Variants in STARD6 observed in about 807,000 individuals in gnomAD.
The protein encoded by STARD6 is stAR-related lipid transfer protein 6.
STARD6 carries 21 observed loss-of-function variants against 22.3 expected under a neutral mutation model. The ratio of observed to expected loss-of-function variants is 0.94; its 90% CI spans 0.67 to 1.35. The LOEUF (loss-of-function observed/expected upper bound fraction) is 1.35, where lower values mean the gene tolerates loss of function less well. Among genes scored for constraint, STARD6 ranks in the 40% most tolerant of loss-of-function variants. The pLI is 0.00. For synonymous variants in STARD6, 80 were observed against 88.1 expected (o/e 0.91, Z 0.52); for missense variants, 269 against 266.9 (o/e 1.01, Z -0.05).
intron 4 of STARD6, among the ~76,000 whole-genome samples, chr18:54,351,843 T>C (rs117741213): frequency 0.067 from 10,140 of 150,726 alleles, 389 homozygotes; most frequent in Middle Eastern, 0.11. Context: ...TTGGATTAGG[T>C]TAGCTAGTAT....
At chr18:54,353,643 A>C (rs564988546) in intron 4 of STARD6, among the ~76,000 whole-genome samples, 79 of 152,348 alleles carry the variant, frequency 5.2e-4, no homozygotes, top group African/African-American at 1.6e-3. Flanking sequence ...CTGGTGACAG[A>C]GCAAGACCCT....
chr18:54,331,942 T>C, intron 5 of STARD6, 83 bp from the exon 6 acceptor site: 4 of 928,152 alleles, frequency 4.3e-6, no homozygotes, highest in Non-Finnish European at 6.5e-6. Context: ...TTTTATTGCA[T>C]ATGATTGGCC....
At chr18:54,338,247 C>CA (rs1568169408) in intron 4 of STARD6, among the ~76,000 whole-genome samples, 1 of 152,200 alleles carries the variant, frequency 6.6e-6, no homozygotes, top group Non-Finnish European at 1.5e-5. Context: ...CTGAAGGCTG[C>CA]ACCCTCTGAG....
intron 4 of STARD6, among the ~76,000 whole-genome samples, chr18:54,337,766 T>C (rs1255361397): frequency 1.3e-5 from 2 of 152,222 alleles, no homozygotes; most frequent in Non-Finnish European, 2.9e-5. Context: ...ATCCATTCAG[T>C]GGCTAATCTT....
At chr18:54,341,860 A>G (rs2088972156) in intron 4 of STARD6, among the ~76,000 whole-genome samples, 1 of 152,204 alleles carries the variant, frequency 6.6e-6, no homozygotes, top group South Asian at 2.1e-4. Context: ...ATTTTAGGAA[A>G]CTAGAAAATG....
chr18:54,354,216 AT>A (rs141426557), intron 3 of STARD6, 113 bp from the exon 4 acceptor site: 125,780 of 664,374 alleles, frequency 0.19, 13,311 homozygotes, highest in Middle Eastern at 0.25. Context: ...AAAGAAAAAA[AT>A]ATATATATAT....
chr18:54,351,135 T>C (rs1454711919), intron 4 of STARD6, among the ~76,000 whole-genome samples: 2 of 152,204 alleles, frequency 1.3e-5, no homozygotes, highest in East Asian at 3.8e-4. Context: ...TTTCCATTTG[T>C]TTGTGTCAGT....
At chr18:54,335,822 A>G (rs563764371) in intron 5 of STARD6, among the ~76,000 whole-genome samples, 1 of 152,112 alleles carries the variant, frequency 6.6e-6, no homozygotes, top group Non-Finnish European at 1.5e-5. Flanking sequence ...CCTCATGCCA[A>G]GGTGTTCCCC....
At position 54,351,091 on chromosome 18, in the gene STARD6, T is replaced by A. The variant is rs113325765; in HGVS notation, c.140+2963A>T. 2.6e-3 allele frequency among the ~76,000 whole-genome samples: 394 copies of A among 152,324 alleles called. 4 individuals carry two copies. Among genetic ancestry groups the A allele is most frequent in the African/African-American group, 9.0e-3 (375 of 41,574 alleles). On this transcript the variant is annotated intron_variant, in intron 4 of 7. Transcript: ENST00000307844. Reference sequence around the variant, plus strand: ...TTTGGCAGTAGGGTCATTTTCACAATACTGATTCTACTCATCCATGAGCAT... The same window carrying A: ...TTTGGCAGTAGGGTCATTTTCACAAAACTGATTCTACTCATCCATGAGCAT...
intron 4 of STARD6, 66 bp from the exon 5 acceptor site, chr18:54,337,317 C>A: frequency 6.8e-7 from 1 of 1,469,756 alleles, no homozygotes; most frequent in Non-Finnish European, 9.2e-7. Context: ...AAATATAATA[C>A]TATCAAAGCA....
At chr18:54,329,494 T>C (rs2088849829) in intron 6 of STARD6, 54 bp from the exon 7 acceptor site, 2 of 1,363,274 alleles carry the variant, frequency 1.5e-6, no homozygotes, top group Non-Finnish European at 2.0e-6. Flanking sequence ...GGAAAAACTA[T>C]TTCCAGCAGC....
intron 2 of STARD6, chr18:54,355,774 T>C (rs1034776971): frequency 6.6e-6 from 1 of 152,238 alleles, no homozygotes; most frequent in Non-Finnish European, 1.5e-5. Context: ...ACATAACTAT[T>C]ACTGCTGTGA....
chr18:54,340,604 C>T (rs1657880), intron 4 of STARD6, among the ~76,000 whole-genome samples: 14,453 of 151,946 alleles, frequency 0.095, 736 homozygotes, highest in Non-Finnish European at 0.1. Context: ...TGACTGAATA[C>T]GGCAGACATA....
rs961672042 is a variant in STARD6 at position 54,326,749 on chromosome 18, A to T, written c.480-1874T>A. Among the ~76,000 whole-genome samples, 12 of 151,352 alleles carry T rather than the reference A, an allele frequency of 7.9e-5. No homozygotes were observed. The South Asian group carries it at 1.0e-3, about 13-fold the overall frequency. On this transcript the variant is annotated intron_variant, in intron 7 of 7. Transcript: ENST00000307844. ...AAAAAATATTTTTATATAATTCTCA[A>T]ATTTTATTTTTATTTATTATTAAAT...
intron 4 of STARD6, among the ~76,000 whole-genome samples, chr18:54,346,700 C>T (rs2089040095): frequency 6.6e-6 from 1 of 151,962 alleles, no homozygotes; most frequent in South Asian, 2.1e-4. Context: ...ATATCCGTAC[C>T]ATAGAACATT....
rs146683565 is a variant in STARD6 at position 54,340,231 on chromosome 18, A to G, written c.141-2980T>C. Among the ~76,000 whole-genome samples, 1,180 of 152,270 alleles carry G rather than the reference A, an allele frequency of 7.7e-3. 12 individuals are homozygous for G. Among genetic ancestry groups the G allele is most frequent in the Admixed American group, 0.028 (429 of 15,308 alleles). On this transcript the variant is annotated intron_variant, in intron 4 of 7. Transcript: ENST00000307844. ...ATGGTATTTGATTTGTAACATATAT[A>G]GACATAATATGTGCAACAAAAAACA...
rs1229858188 is a variant in STARD6, at chr18:54,331,820, CG to C, written c.306del (p.Val103TrpfsTer12). 5 of 1,612,830 alleles carry C rather than the reference CG, an allele frequency of 3.1e-6. No homozygotes were observed. Among genetic ancestry groups the C allele is most frequent in the Non-Finnish European group, 2.5e-6 (3 of 1,179,284 alleles). ...FICHTITQSF[A>X]VGSISPRDFI... ...AAGTCTCGAGGGGAAATGGAGCCCA[CG>C]GCAAAACTTTGTGTAATGGTATGAC... is the stretch of plus-strand genomic sequence containing the variant. On this transcript the variant is annotated frameshift_variant, in exon 6 of 8. Transcript: ENST00000307844.
At chr18:54,327,312 T>C (rs2088832347) in intron 7 of STARD6, among the ~76,000 whole-genome samples, 1 of 152,202 alleles carries the variant, frequency 6.6e-6, no homozygotes, top group African/African-American at 2.4e-5. Context: ...AATTGTTAGA[T>C]AGTATGGTTA....
At chr18:54,336,987 A>T in intron 5 of STARD6, 138 bp downstream of exon 5, 1 of 735,066 alleles carries the variant, frequency 1.4e-6, no homozygotes, top group Non-Finnish European at 2.0e-6. Context: ...GGGAAGTTTT[A>T]AAGCTTTTAT....
Sources: allele counts gnomAD v4.1 joint callset (sites outside exome capture counted in the v4.1 genomes callset), GRCh38; gene constraint gnomAD v4.1.1; transcripts MANE v1.5; gene names NCBI Gene and HGNC (gene_info 2026-07-23, HGNC 2026-07-21).